ZNF680: variants seen among roughly 807,000 people sequenced by gnomAD.
The protein encoded by ZNF680 is zinc finger protein 680, also known as hypothetical protein FLJ90430.
A neutral mutation model predicts 12.1 loss-of-function variants in ZNF680; 6 were observed. The ratio of observed to expected loss-of-function variants is 0.49; its 90% CI spans 0.27 to 0.98. ZNF680 has a LOEUF of 0.98. Among genes scored for constraint, ZNF680 ranks in the 50% least tolerant of loss-of-function variants. The pLI is 0.12. For synonymous variants in ZNF680, 170 were observed against 199.3 expected, an observed-to-expected ratio of 0.85 and a Z score of 1.24; for missense variants, 561 against 616.3, an observed-to-expected ratio of 0.91 and a Z score of 0.95.
At chr7:64,534,435 G>T (rs535320123) in intron 3 of ZNF680, among the ~76,000 whole-genome samples, 1 of 152,214 alleles carries the variant, frequency 6.6e-6, no homozygotes, top group Admixed American at 6.5e-5. Flanking sequence ...TAATGATCAG[G>T]GAAATGCATA....
chr7:64,540,367 C>T (rs1786438481), intron 3 of ZNF680, among the ~76,000 whole-genome samples: 1 of 145,458 alleles, frequency 6.9e-6, no homozygotes, highest in Admixed American at 7.1e-5. Context: ...TACAGTAGTG[C>T]AATCTCAGCT....
At chr7:64,508,471 C>G in the ZNF680 span, among the ~76,000 whole-genome samples, 1 of 152,148 alleles carries the variant, frequency 6.6e-6, no homozygotes, top group African/African-American at 2.4e-5. Context: ...TAACACTAAT[C>G]ATGATCTAAC....
chr7:64,513,774 T>C, the ZNF680 span, among the ~76,000 whole-genome samples: 9 of 152,136 alleles, frequency 5.9e-5, no homozygotes, highest in African/African-American at 2.2e-4. Flanking sequence ...GCCTCCTGGG[T>C]AGCTGGGACT....
chr7:64,507,841 ACACACACACACACACACAC>A, the ZNF680 span, among the ~76,000 whole-genome samples: 1 of 23,244 alleles, frequency 4.3e-5, no homozygotes, highest in Non-Finnish European at 1.3e-4. Context: ...ACACACACAC[ACACACACACACACACACAC>A]ACACACACAC....
At position 64,521,084 on chromosome 7, in the gene ZNF680, CA is replaced by C; in HGVS notation, c.*76del. Reference sequence around the variant, plus strand: ...CTTACCTACAAGCAAGTGTAACAATCATTGGAAGGCTTTGTCAAATTCTTCA... The same window carrying C: ...CTTACCTACAAGCAAGTGTAACAATCTTGGAAGGCTTTGTCAAATTCTTCA... On this transcript the variant is annotated 3_prime_UTR_variant, in exon 4 of 4. Transcript: ENST00000309683. 7.1e-7 allele frequency: 1 copy of C among 1,414,738 alleles called. No homozygotes were observed. The highest frequency in any genetic ancestry group is 9.6e-7 in the Non-Finnish European group (1 of 1,044,256). The allele number at this position is 1,414,738 out of a possible 1,614,324, so 87.6% of individuals were successfully genotyped here. A position where few individuals can be genotyped will look rare whatever the true frequency, so the allele number is the denominator to read the frequency against.
chr7:64,549,604 G>C (rs1786963099), intron 1 of ZNF680, among the ~76,000 whole-genome samples: 1 of 151,842 alleles, frequency 6.6e-6, no homozygotes. Context: ...GGGTGTTACA[G>C]CAAATGAGGT....
At chr7:64,548,501 A>G (rs1562768283) in intron 1 of ZNF680, among the ~76,000 whole-genome samples, 1 of 152,216 alleles carries the variant, frequency 6.6e-6, no homozygotes, top group Non-Finnish European at 1.5e-5. Flanking sequence ...TAATGGCCAC[A>G]TAAAATGGAA....
intron 1 of ZNF680, among the ~76,000 whole-genome samples, chr7:64,553,242 T>C (rs898112733): frequency 6.6e-6 from 1 of 152,204 alleles, no homozygotes; most frequent in Non-Finnish European, 1.5e-5. Context: ...TCCACTGTTA[T>C]ATACTGAATC....
downstream of ZNF680, among the ~76,000 whole-genome samples, chr7:64,516,182 A>C (rs1467254018): frequency 6.6e-6 from 1 of 152,178 alleles, no homozygotes; most frequent in Non-Finnish European, 1.5e-5. Context: ...TTGCTTATTA[A>C]ACTTTCACTC....
At chr7:64,500,431 G>A in the ZNF680 span, among the ~76,000 whole-genome samples, 34,290 of 151,970 alleles carry the variant, frequency 0.23, 4,059 homozygotes, top group South Asian at 0.28. Context: ...TGATATATTT[G>A]CACAATGGAA....
intron 3 of ZNF680, among the ~76,000 whole-genome samples, chr7:64,531,926 A>C (rs1489560035): frequency 6.6e-6 from 1 of 152,208 alleles, no homozygotes; most frequent in Non-Finnish European, 1.5e-5. Flanking sequence ...AACAGAAGAA[A>C]GGAAATAATC....
At chr7:64,555,270 A>G (rs1387308837) in intron 1 of ZNF680, among the ~76,000 whole-genome samples, 1 of 152,122 alleles carries the variant, frequency 6.6e-6, no homozygotes, top group Non-Finnish European at 1.5e-5. Context: ...CAGAAATAAA[A>G]CAACCCTCAG....
intron 3 of ZNF680, chr7:64,526,213 T>C: frequency 3.0e-6 from 3 of 1,016,380 alleles, no homozygotes; most frequent in Non-Finnish European, 3.6e-6. Context: ...AAAAGTAATG[T>C]AGAGGTTACT....
chr7:64,561,144 G>A (rs1787711940), intron 1 of ZNF680: 1 of 153,604 alleles, frequency 6.5e-6, no homozygotes, highest in Non-Finnish European at 1.5e-5. Context: ...CGGAAGCTGA[G>A]TTGGGTGAAG....
rs1191613326 is a variant in ZNF680 at position 64,521,936 on chromosome 7, T to C, written c.818A>G (p.Lys273Arg). ...EKPFKCEECGKAFSLFSILSK... is the reference protein window; with the variant it reads ...EKPFKCEECGRAFSLFSILSK... The stretch of plus-strand genomic sequence containing the variant: ...AAGGATTGAGAATAAACTAAAGGCT[T>C]TGCCACATTCTTCACATTTGAAGGG... The change falls in exon 4 of 4, where the codon AAA becomes AGA. Residue 273 changes from lysine to arginine, a missense_variant. By Grantham distance (26) the Lys-to-Arg change is conservative (BLOSUM62 2). Coordinates refer to ENST00000309683, the MANE Select transcript of ZNF680 (RefSeq NM_178558.5). 11 of 1,613,040 alleles carry C rather than the reference T, an allele frequency of 6.8e-6. No individual in the cohort carries two copies. In the African/African-American group the frequency reaches 8.0e-5, roughly 12 times the overall value.
chr7:64,562,962 G>C lies in ZNF680; in HGVS notation c.-8C>G. 6.2e-7 allele frequency: 1 copy of C among 1,613,604 alleles called. No individual in the cohort carries two copies. Among genetic ancestry groups the C allele is most frequent in the Non-Finnish European group, 8.5e-7 (1 of 1,179,664 alleles). ...TCCAGGTGGTCCTGGCATCTTAGCTGTGCATCTCCCAATACCTGCAGATAA... is the reference window on the plus strand; with the variant it reads ...TCCAGGTGGTCCTGGCATCTTAGCTCTGCATCTCCCAATACCTGCAGATAA... On this transcript the variant is annotated 5_prime_UTR_variant, in exon 1 of 4. Transcript: ENST00000309683.
the ZNF680 span, among the ~76,000 whole-genome samples, chr7:64,514,525 A>G: frequency 6.6e-6 from 1 of 152,144 alleles, no homozygotes; most frequent in Non-Finnish European, 1.5e-5. Context: ...GGTTTCTCAT[A>G]ACAAAACAAA....
At chr7:64,555,000 TA>T (rs894135349) in intron 1 of ZNF680, among the ~76,000 whole-genome samples, 6 of 150,490 alleles carry the variant, frequency 4.0e-5, no homozygotes, top group South Asian at 2.1e-4. Flanking sequence ...CTAAAAAAAT[TA>T]AAAAAAAAAT....
intron 3 of ZNF680, 60 bp downstream of exon 3, chr7:64,543,647 C>G: frequency 7.1e-7 from 1 of 1,411,108 alleles, no homozygotes; most frequent in South Asian, 1.2e-5. Flanking sequence ...CTGACTTTCT[C>G]TTTGACATCT....
Sources: gnomAD v4.1 joint callset for allele counts (sites outside exome capture counted in the v4.1 genomes callset) on GRCh38, gnomAD v4.1.1 for gene constraint, MANE v1.5 for transcripts, NCBI Gene and HGNC (gene_info 2026-07-23, HGNC 2026-07-21) for gene names.